The following MASP1 variants were observed in gnomAD, a reference collection of about 807,000 sequenced individuals.
The protein encoded by MASP1 is MBL associated serine protease 1.
MASP1 carries 59 observed loss-of-function variants against 77.1 expected under a neutral mutation model. That is an observed-to-expected ratio of 0.77 (90% confidence interval 0.62 to 0.95). The LOEUF is 0.95. MASP1 is among the 40% of genes least tolerant of loss of function. The pLI, the probability that MASP1 is intolerant of heterozygous loss-of-function variation, is 0.00. For synonymous variants in MASP1, 362 were observed against 354.5 expected, an observed-to-expected ratio of 1.02 and a Z score of -0.24; for missense variants, 885 against 912.9, an observed-to-expected ratio of 0.97 and a Z score of 0.39.
At chr3:187,274,907 G>T (rs574575534) in intron 2 of MASP1, among the ~76,000 whole-genome samples, 20 of 151,848 alleles carry the variant, frequency 1.3e-4, no homozygotes, top group South Asian at 6.3e-4. Context: ...CCTGGGAAGC[G>T]GGCATCCCGC....
At chr3:187,270,398 G>A (rs754045248) in intron 2 of MASP1, among the ~76,000 whole-genome samples, 3 of 152,056 alleles carry the variant, frequency 2.0e-5, no homozygotes, top group South Asian at 2.1e-4. Context: ...CCATCCCCAC[G>A]GGTGCTGTCT....
At chr3:187,256,560 C>T in intron 5 of MASP1, 104 bp downstream of exon 5, 8 of 1,036,026 alleles carry the variant, frequency 7.7e-6, no homozygotes, top group South Asian at 1.3e-5. Flanking sequence ...AGCTGCTAGG[C>T]TCTCTATCCT....
chr3:187,242,890 G>T, intron 9 of MASP1: 1 of 178,202 alleles, frequency 5.6e-6, no homozygotes, highest in Non-Finnish European at 1.2e-5. Flanking sequence ...CTGTGGTCAG[G>T]GGATATGCTG....
chr3:187,253,295 A>T lies in MASP1; in HGVS notation c.765T>A (p.Val255=), dbSNP rs1361297997. ...CTTTCTCTCCACAGAAAGGCCCCAA[A>T]ACTTTTGGACCAACTTTGATCTGCA... The part of the protein sequence containing the change: ...DYIKIKVGPK[V]LGPFCGEKAP... The change falls in exon 6 of 11, where the codon GTT becomes GTA. Residue 255 remains valine (V), a synonymous_variant. Transcript: ENST00000296280. 1 of 1,614,066 alleles carries T rather than the reference A, an allele frequency of 6.2e-7. No individual in the cohort carries two copies. Among genetic ancestry groups the T allele is most frequent in the Non-Finnish European group, 8.5e-7 (1 of 1,180,026 alleles).
intron 8 of MASP1, among the ~76,000 whole-genome samples, chr3:187,248,998 G>A (rs531736431): frequency 1.3e-5 from 2 of 152,302 alleles, no homozygotes; most frequent in Admixed American, 1.3e-4. Flanking sequence ...GCTCCAGTTT[G>A]CATGAAAATT....
intron 2 of MASP1, among the ~76,000 whole-genome samples, chr3:187,272,687 G>A (rs540816163): frequency 6.6e-6 from 1 of 152,206 alleles, no homozygotes; most frequent in East Asian, 1.9e-4. Context: ...GCCTACAACT[G>A]CCTATTCTAG....
intron 8 of MASP1, chr3:187,246,912 G>T: frequency 3.8e-6 from 4 of 1,059,976 alleles, no homozygotes; most frequent in Non-Finnish European, 4.6e-6. Context: ...GATTCATAAA[G>T]TCACAGGCAG....
chr3:187,221,803 T>C (rs1039940276), intron 14 of MASP1, among the ~76,000 whole-genome samples: 1 of 152,218 alleles, frequency 6.6e-6, no homozygotes, highest in Non-Finnish European at 1.5e-5. Flanking sequence ...TGGAGCTTAG[T>C]AGATACCCAG....
intron 10 of MASP1, among the ~76,000 whole-genome samples, chr3:187,237,082 G>C (rs375843553): frequency 6.6e-6 from 1 of 152,240 alleles, no homozygotes. Context: ...GATGCTGGAA[G>C]CCTTGGCCTG....
In MASP1 at chr3:187,262,938, G is replaced by A. The variant is rs924637840; in HGVS notation, c.238-218C>T. 9 of 527,498 alleles carry A rather than the reference G, an allele frequency of 1.7e-5. No individual in the cohort carries two copies. In the South Asian group the frequency reaches 2.1e-4, roughly 12 times the overall value. The allele number at this position is 527,498 out of a possible 1,614,324, so 32.7% of individuals were successfully genotyped here. On this transcript the variant is annotated intron_variant, in intron 2 of 10. Coordinates refer to ENST00000296280, the MANE Select transcript of MASP1 (RefSeq NM_139125.4). ...TCATTCGTCTTATTTAGTTCCATTA[G>A]AAGTAGCTTGATATTTGTTGTTGCT... is the stretch of plus-strand genomic sequence containing the variant.
At chr3:187,279,954 T>G (rs698083) in intron 2 of MASP1, among the ~76,000 whole-genome samples, 116,402 of 152,156 alleles carry the variant, frequency 0.77, 45,616 homozygotes, top group East Asian at 0.88. Flanking sequence ...TCATTTTACT[T>G]CGAAGAATTC....
At chr3:187,227,646 C>T (rs1712514519) in intron 11 of MASP1, among the ~76,000 whole-genome samples, 1 of 152,106 alleles carries the variant, frequency 6.6e-6, no homozygotes, top group Non-Finnish European at 1.5e-5. Flanking sequence ...CTCCTGGGTC[C>T]TGGCCAGGGC....
intron 8 of MASP1, among the ~76,000 whole-genome samples, chr3:187,246,111 G>A (rs1046430536): frequency 1.5e-4 from 23 of 152,148 alleles, no homozygotes; most frequent in African/African-American, 5.3e-4. Flanking sequence ...GCTGCACGGG[G>A]CACCCTGTGT....
At position 187,274,130 on chromosome 3, in the gene MASP1, C is replaced by T. The variant is rs953628939; in HGVS notation, c.238-11410G>A. 4.6e-5 allele frequency among the ~76,000 whole-genome samples: 7 copies of T among 152,042 alleles called. No individual in the cohort carries two copies. The East Asian group carries it at 1.2e-3, about 25-fold the overall frequency. On this transcript the variant is annotated intron_variant, in intron 2 of 10. Coordinates refer to ENST00000296280, the MANE Select transcript of MASP1 (RefSeq NM_139125.4). Reference sequence around the variant, plus strand: ...GGCTGAGGCTCAAGAATCGCTTGAACCCGGGAGGTAGAGGTTCCAGTGAGC... The same window carrying T: ...GGCTGAGGCTCAAGAATCGCTTGAATCCGGGAGGTAGAGGTTCCAGTGAGC...
chr3:187,248,627 C>T (rs867601326), intron 8 of MASP1, among the ~76,000 whole-genome samples: 36 of 152,262 alleles, frequency 2.4e-4, no homozygotes, highest in Admixed American at 1.2e-3. Flanking sequence ...CACTGCACCT[C>T]GAGCCTCAGA....
chr3:187,236,773 T>C (rs1366955984), intron 10 of MASP1, among the ~76,000 whole-genome samples: 1 of 152,184 alleles, frequency 6.6e-6, no homozygotes, highest in African/African-American at 2.4e-5. Flanking sequence ...CCATCTCTAG[T>C]CTGGCTTTTC....
intron 2 of MASP1, among the ~76,000 whole-genome samples, chr3:187,276,195 T>C (rs1170377100): frequency 6.6e-6 from 1 of 151,990 alleles, no homozygotes; most frequent in Non-Finnish European, 1.5e-5. Flanking sequence ...ATGAGCACCA[T>C]ATTTAAATCA....
chr3:187,272,205 A>T (rs1331984292), intron 2 of MASP1, among the ~76,000 whole-genome samples: 1 of 149,456 alleles, frequency 6.7e-6, no homozygotes, highest in African/African-American at 2.5e-5. Flanking sequence ...CAGATCTTAG[A>T]TGTTCAAGAA....
Position 187,243,560 on chromosome 3 carries a change from G to T in MASP1, c.1152C>A (p.Asn384Lys), listed in dbSNP as rs566297678. ...EHGLITFSTR[N>K]NLTTYKSEIK... is the part of the protein sequence containing the mutation. ...TCTCAGACTTGTATGTGGTGAGGTT[G>T]TTCCTTGTAGAGAAGGTGATCAGCC... Residue 384 changes from asparagine (N) to lysine (K), a missense_variant, in exon 9 of 11, where the codon AAC becomes AAA. Physicochemically the swap from Asn to Lys is moderately conservative, Grantham distance 94. Coordinates refer to ENST00000296280, the MANE Select transcript of MASP1 (RefSeq NM_139125.4). The T allele has an allele frequency of 6.2e-7, 1 of 1,614,140 alleles. No homozygotes were observed. The highest frequency in any genetic ancestry group is 2.2e-5 in the East Asian group (1 of 44,886).
Sources: gnomAD v4.1 joint callset for allele counts (sites outside exome capture counted in the v4.1 genomes callset) on GRCh38, gnomAD v4.1.1 for gene constraint, MANE v1.5 for transcripts, NCBI Gene and HGNC (gene_info 2026-07-23, HGNC 2026-07-21) for gene names.